The following CLIP1 variants were observed in gnomAD, a reference collection of about 807,000 sequenced individuals.
The protein encoded by CLIP1 is CAP-Gly domain-containing linker protein 1.
Under a neutral mutation model 161.6 loss-of-function variants are expected in CLIP1, and 66 were observed. That is an observed-to-expected ratio of 0.41 (90% CI 0.33 to 0.50). The LOEUF is 0.50. Among genes scored for constraint, CLIP1 ranks in the 20% least tolerant of loss-of-function variants. The pLI is 0.27. For synonymous variants in CLIP1, 598 were observed against 626.2 expected, an observed-to-expected ratio of 0.96 and a Z score of 0.67; for missense variants, 1,376 against 1,702.0, an observed-to-expected ratio of 0.81 and a Z score of 3.37.
At chr12:122,299,612 C>CAAAAAAAAAAAAATAAAA (rs1950602200) in intron 20 of CLIP1, among the ~76,000 whole-genome samples, 1 of 62,500 alleles carries the variant, frequency 1.6e-5, no homozygotes, top group African/African-American at 7.0e-5. Flanking sequence ...ATAAATTCAG[C>CAAAAAAAAAAAAATAAAA]AAAAAAAAAA....
intron 24 of CLIP1, 175 bp from the exon 25 acceptor site, chr12:122,274,337 T>A (rs1592948427): frequency 1.8e-6 from 1 of 545,674 alleles, no homozygotes; most frequent in Non-Finnish European, 3.3e-6. Flanking sequence ...ATGCTGAGAT[T>A]GTGTGAGTAA....
At chr12:122,373,294 C>T (rs1288725293) in intron 3 of CLIP1, among the ~76,000 whole-genome samples, 2 of 151,888 alleles carry the variant, frequency 1.3e-5, no homozygotes, top group Admixed American at 6.6e-5. Flanking sequence ...GGTGTGGTGG[C>T]GCACGTCTGT....
intron 9 of CLIP1, 148 bp from the exon 10 acceptor site, chr12:122,347,627 G>C: frequency 3.2e-6 from 2 of 634,006 alleles, no homozygotes; most frequent in East Asian, 2.7e-5. Flanking sequence ...AAGAGGTGGA[G>C]GTGAGATGAG....
At chr12:122,292,369 A>G (rs1378332944) in intron 20 of CLIP1, among the ~76,000 whole-genome samples, 1 of 152,022 alleles carries the variant, frequency 6.6e-6, no homozygotes, top group Non-Finnish European at 1.5e-5. Flanking sequence ...ATAATCTATT[A>G]TATCTCTATT....
intron 10 of CLIP1, among the ~76,000 whole-genome samples, chr12:122,344,468 C>T (rs1223973161): frequency 6.6e-6 from 1 of 151,312 alleles, no homozygotes; most frequent in African/African-American, 2.4e-5. Flanking sequence ...CACTAATAAA[C>T]CCCATTGCTG....
At chr12:122,353,841 C>T (rs902843932) in intron 7 of CLIP1, among the ~76,000 whole-genome samples, 1 of 151,710 alleles carries the variant, frequency 6.6e-6, no homozygotes, top group Non-Finnish European at 1.5e-5. Context: ...ATGTTGGTCA[C>T]GTTGGTCTCG....
At chr12:122,418,481 G>A (rs879458332) in intron 1 of CLIP1, among the ~76,000 whole-genome samples, 4 of 152,150 alleles carry the variant, frequency 2.6e-5, no homozygotes, top group Admixed American at 6.6e-5. Context: ...GGCTGGGCAC[G>A]GTGGCTCATG....
intron 21 of CLIP1, among the ~76,000 whole-genome samples, chr12:122,285,638 C>CT (rs35808337): frequency 0.24 from 33,167 of 136,074 alleles, 4,636 homozygotes; most frequent in East Asian, 0.63. Context: ...CGCACCCGAC[C>CT]TTTTTTTTTT....
At position 122,348,026 on chromosome 12, in the gene CLIP1, A is replaced by C. The variant is rs533853204; in HGVS notation, c.1402-547T>G. ...TGCACCTTAGCATATAACTTGACGTAAATAAGGGTCAAATAAAAACCTCAG... is the reference window on the plus strand; with the variant it reads ...TGCACCTTAGCATATAACTTGACGTCAATAAGGGTCAAATAAAAACCTCAG... On this transcript the variant is annotated intron_variant, in intron 9 of 25. Coordinates refer to ENST00000620786, the MANE Select transcript of CLIP1 (RefSeq NM_001247997.2). Among the ~76,000 whole-genome samples, 29 of 152,322 alleles carry C rather than the reference A, an allele frequency of 1.9e-4. No homozygotes were observed. In the South Asian group the frequency reaches 5.8e-3, roughly 30 times the overall value.
chr12:122,395,829 C>T (rs1005991797), intron 1 of CLIP1: 22 of 152,108 alleles, frequency 1.4e-4, no homozygotes, highest in African/African-American at 4.6e-4. Context: ...TTAAGCATCC[C>T]CGCCAGGCGT....
intron 2 of CLIP1, 77 bp from the exon 3 acceptor site, chr12:122,378,037 A>T: frequency 7.8e-7 from 1 of 1,283,224 alleles, no homozygotes; most frequent in Admixed American, 2.2e-5. Flanking sequence ...AACTAGAGAA[A>T]GCCAACAGCC....
intron 1 of CLIP1, among the ~76,000 whole-genome samples, chr12:122,390,298 A>ATTAT (rs1566214870): frequency 7.6e-6 from 1 of 131,038 alleles, no homozygotes; most frequent in Admixed American, 8.0e-5. Context: ...ATATATATAT[A>ATTAT]TATATGTATA....
chr12:122,282,117 C>A (rs779730162), intron 21 of CLIP1, among the ~76,000 whole-genome samples: 1 of 152,192 alleles, frequency 6.6e-6, no homozygotes, highest in African/African-American at 2.4e-5. Context: ...GTTACCAACA[C>A]GTGCATGGTT....
chr12:122,313,765 A>G (rs1429620279), intron 19 of CLIP1, among the ~76,000 whole-genome samples: 1 of 152,106 alleles, frequency 6.6e-6, no homozygotes, highest in Non-Finnish European at 1.5e-5. Flanking sequence ...TAAGGGTGAA[A>G]CCAACACCAC....
At chr12:122,315,112 G>A (rs149239336) in intron 19 of CLIP1, among the ~76,000 whole-genome samples, 7 of 152,274 alleles carry the variant, frequency 4.6e-5, no homozygotes, top group Non-Finnish European at 1.0e-4. Context: ...ACTCCCCGAA[G>A]AACCACACAT....
intron 15 of CLIP1, among the ~76,000 whole-genome samples, chr12:122,329,195 C>T (rs555323249): frequency 5.9e-5 from 9 of 152,124 alleles, no homozygotes; most frequent in South Asian, 4.2e-4. Flanking sequence ...GGTGTGGTGG[C>T]GCATGCCTAC....
intron 1 of CLIP1, among the ~76,000 whole-genome samples, chr12:122,383,913 T>C (rs1955122462): frequency 6.6e-6 from 1 of 151,982 alleles, no homozygotes; most frequent in Non-Finnish European, 1.5e-5. Flanking sequence ...TTGTGCTCAA[T>C]GAATCAGGAG....
At chr12:122,298,165 A>C (rs915790657) in intron 20 of CLIP1, among the ~76,000 whole-genome samples, 1 of 152,110 alleles carries the variant, frequency 6.6e-6, no homozygotes, top group Non-Finnish European at 1.5e-5. Flanking sequence ...TCATCACACT[A>C]AACTCTCTCT....
chr12:122,394,029 C>G (rs548872156), intron 1 of CLIP1, among the ~76,000 whole-genome samples: 2 of 151,084 alleles, frequency 1.3e-5, no homozygotes, highest in Admixed American at 6.6e-5. Flanking sequence ...AAAGCACAGT[C>G]TACTTCAAAA....
Sources: allele counts gnomAD v4.1 joint callset (sites outside exome capture counted in the v4.1 genomes callset), GRCh38; gene constraint gnomAD v4.1.1; transcripts MANE v1.5; gene names NCBI Gene and HGNC (gene_info 2026-07-23, HGNC 2026-07-21).